The following LCP1 variants were observed in gnomAD, a reference collection of about 807,000 sequenced individuals.
LCP1 encodes lymphocyte cytosolic protein 1.
A neutral mutation model predicts 72.0 loss-of-function variants in LCP1; 23 were observed. That is an observed-to-expected ratio of 0.32 (90% CI 0.23 to 0.45). LCP1 has a LOEUF of 0.45. Among genes scored for constraint, LCP1 ranks in the 20% least tolerant of loss-of-function variants. LCP1 has a pLI of 1.00. For missense variants in LCP1, 571 were observed against 748.3 expected, an observed-to-expected ratio of 0.76 and a Z score of 2.76; for synonymous variants, 245 against 275.4, an observed-to-expected ratio of 0.89 and a Z score of 1.09.
intron 1 of LCP1, among the ~76,000 whole-genome samples, chr13:46,165,149 G>A (rs574877597): frequency 9.9e-5 from 15 of 152,236 alleles, no homozygotes; most frequent in Middle Eastern, 6.8e-3. Flanking sequence ...GAGGTGCACG[G>A]ATTGCTTTGA....
Position 46,146,975 on chromosome 13 carries a change from G to A in LCP1, c.1107C>T (p.Asn369=), listed in dbSNP as rs746717983. Residue 369 remains asparagine, a synonymous_variant, in exon 10 of 16, where the codon AAC becomes AAT. Coordinates refer to ENST00000323076, the MANE Select transcript of LCP1 (RefSeq NM_002298.5). ...GCAGGGCAGGGTATCTGTTAAAGAG[G>A]TTGGCAATAAAAGCCAAGTTCAACT... ...NPKLNLAFIA[N]LFNRYPALHK... The A allele has an allele frequency of 3.7e-6, 6 of 1,614,008 alleles. No individual in the cohort carries two copies. The highest frequency in any genetic ancestry group is 3.3e-5 in the South Asian group (3 of 91,062).
At chr13:46,128,599 GA>G (rs1238721649) in intron 15 of LCP1, among the ~76,000 whole-genome samples, 40 of 143,696 alleles carry the variant, frequency 2.8e-4, no homozygotes, top group East Asian at 4.0e-4. Flanking sequence ...CTCCGTCTCA[GA>G]AAAAAAAAAA....
chr13:46,149,648 G>A (rs576728237), intron 8 of LCP1, among the ~76,000 whole-genome samples: 3 of 152,262 alleles, frequency 2.0e-5, no homozygotes, highest in South Asian at 2.1e-4. Flanking sequence ...GCCATGCAGC[G>A]GCTGCCAGAG....
intron 14 of LCP1, among the ~76,000 whole-genome samples, chr13:46,132,415 A>G (rs1196307574): frequency 6.6e-6 from 1 of 152,184 alleles, no homozygotes; most frequent in African/African-American, 2.4e-5. Context: ...TTTTCCTCCC[A>G]TTTGTGGACC....
chr13:46,137,615 T>G lies in LCP1; in HGVS notation c.1503-3365A>C, dbSNP rs75246284. 1.6e-4 allele frequency among the ~76,000 whole-genome samples: 24 copies of G among 152,344 alleles called. No individual in the cohort carries two copies. The East Asian group carries it at 4.6e-3, about 29-fold the overall frequency. On this transcript the variant is annotated intron_variant, in intron 13 of 15. Coordinates refer to ENST00000323076, the MANE Select transcript of LCP1 (RefSeq NM_002298.5). ...TGCTCATCTAAATACAGATTTGAAA[T>G]GTAAAACAAAAACTAATTTGGCCTG... is the stretch of plus-strand genomic sequence containing the variant.
intron 14 of LCP1, 88 bp downstream of exon 14, chr13:46,134,039 C>T: frequency 2.9e-6 from 4 of 1,376,786 alleles, no homozygotes; most frequent in Non-Finnish European, 4.0e-6. Flanking sequence ...CTAATACCTA[C>T]CACTGAAGGT....
intron 11 of LCP1, among the ~76,000 whole-genome samples, chr13:46,143,865 GAC>G (rs1213458498): frequency 1.3e-5 from 2 of 152,206 alleles, no homozygotes; most frequent in Non-Finnish European, 2.9e-5. Context: ...AAGAGATCAA[GAC>G]CATCCTGGCC....
At chr13:46,131,136 C>T (rs1312394196) in intron 14 of LCP1, among the ~76,000 whole-genome samples, 198 bp from the exon 15 acceptor site, 4 of 152,100 alleles carry the variant, frequency 2.6e-5, no homozygotes, top group Non-Finnish European at 5.9e-5. Context: ...GAAAACCCAC[C>T]GTCTACCAAC....
At chr13:46,146,806 AC>A in intron 10 of LCP1, 101 bp downstream of exon 10, 1 of 1,143,550 alleles carries the variant, frequency 8.7e-7, no homozygotes, top group Non-Finnish European at 1.3e-6. Context: ...GCCTGTTTGC[AC>A]ATGTAAATAG....
At chr13:46,129,901 G>A (rs942112611) in intron 15 of LCP1, among the ~76,000 whole-genome samples, 3 of 152,214 alleles carry the variant, frequency 2.0e-5, no homozygotes, top group African/African-American at 7.2e-5. Context: ...TAGGACTGGT[G>A]TCTTTCTAAG....
chr13:46,177,023 A>G (rs2045934789), intron 1 of LCP1, among the ~76,000 whole-genome samples: 1 of 152,184 alleles, frequency 6.6e-6, no homozygotes, highest in Non-Finnish European at 1.5e-5. Flanking sequence ...AATTTAACAT[A>G]GCTTTTCCTT....
chr13:46,151,528 A>G (rs181902341), intron 7 of LCP1, among the ~76,000 whole-genome samples: 48 of 152,304 alleles, frequency 3.2e-4, no homozygotes, highest in African/African-American at 1.1e-3. Context: ...CTGCCTAATT[A>G]TAGCAACTCA....
chr13:46,146,935 G>C lies in LCP1; in HGVS notation c.1147C>G (p.Gln383Glu), dbSNP rs1318249917. ...RYPALHKPEN[Q>E]DIDWGALEGE... ...TCAAGAGCCCCCCAGTCAATGTCCT[G>C]GTTCTCTGGTTTGTGCAGGGCAGGG... Residue 383 changes from glutamine (Q) to glutamate (E), a missense_variant, in exon 10 of 16, where the codon CAG becomes GAG. Gln to Glu is a conservative substitution (Grantham distance 29, BLOSUM62 2). Transcript: ENST00000323076. 1.1e-5 allele frequency: 18 copies of C among 1,613,994 alleles called. No homozygotes were observed. The highest frequency in any genetic ancestry group is 1.3e-5 in the African/African-American group (1 of 74,882).
In LCP1 at chr13:46,150,967, T is replaced by C; in HGVS notation, c.851A>G (p.Asn284Ser). The C allele has an allele frequency of 6.2e-7, 1 of 1,614,004 alleles. No individual in the cohort carries two copies. Among genetic ancestry groups the C allele is most frequent in the Non-Finnish European group, 8.5e-7 (1 of 1,179,866 alleles). Residue 284 changes from asparagine (N) to serine (S), a missense_variant, in exon 8 of 16, where the codon AAC becomes AGC. Asn to Ser is a conservative substitution (Grantham distance 46, BLOSUM62 1). Coordinates refer to ENST00000323076, the MANE Select transcript of LCP1 (RefSeq NM_002298.5). Reference sequence around the variant, plus strand: ...GTCAGTACTGAAGTTGCCAATTTTGTTGCAGCCTGCATTTTCCAGGTGGTA... The same window carrying C: ...GTCAGTACTGAAGTTGCCAATTTTGCTGCAGCCTGCATTTTCCAGGTGGTA... ...ANYHLENAGC[N>S]KIGNFSTDIK...
chr13:46,138,942 G>A (rs924731023), intron 13 of LCP1, among the ~76,000 whole-genome samples: 17 of 152,084 alleles, frequency 1.1e-4, no homozygotes, highest in African/African-American at 3.1e-4. Flanking sequence ...CACCGCACCC[G>A]CTGGCTTGAG....
intron 13 of LCP1, among the ~76,000 whole-genome samples, chr13:46,134,585 A>T (rs2045652811): frequency 6.6e-6 from 1 of 152,206 alleles, no homozygotes; most frequent in Non-Finnish European, 1.5e-5. Flanking sequence ...TAAAAAAGAT[A>T]AAAAATCAAG....
Position 46,126,692 on chromosome 13 carries a change from C to T in LCP1, c.*899G>A, listed in dbSNP as rs1197258788. 1.7e-5 allele frequency: 4 copies of T among 231,358 alleles called. No homozygotes were observed. The highest frequency in any genetic ancestry group is 3.4e-5 in the Non-Finnish European group (4 of 116,938). The allele number at this position is 231,358 out of a possible 1,614,324, so 14.3% of individuals were successfully genotyped here. ...CTAGATCTAATGTGAGGGCTAAATG[C>T]CTGGAGAGGCAGAACCCTAAAGGAT... On this transcript the variant is annotated 3_prime_UTR_variant, in exon 16 of 16. Coordinates refer to ENST00000323076, the MANE Select transcript of LCP1 (RefSeq NM_002298.5).
At chr13:46,167,778 A>C (rs1277182336) in intron 1 of LCP1, among the ~76,000 whole-genome samples, 1 of 152,220 alleles carries the variant, frequency 6.6e-6, no homozygotes, top group African/African-American at 2.4e-5. Context: ...GTCTGTATGC[A>C]AAGTACTGCC....
rs1001245220 is a variant in LCP1 at position 46,150,140 on chromosome 13, G to C, written c.882+796C>G. Among the ~76,000 whole-genome samples, 30 of 152,194 alleles carry C rather than the reference G, an allele frequency of 2.0e-4. 1 individual carries two copies. The highest frequency in any genetic ancestry group is 7.3e-5 in the Non-Finnish European group (5 of 68,030). On this transcript the variant is annotated intron_variant, in intron 8 of 15. Transcript: ENST00000323076. ...TGTTGAGTCATGTGAACTTTCCTCT[G>C]ACTCTTTCTCTTTGGGGAAAAGTTA...
Sources: gnomAD v4.1 joint callset for allele counts (sites outside exome capture counted in the v4.1 genomes callset) on GRCh38, gnomAD v4.1.1 for gene constraint, MANE v1.5 for transcripts, NCBI Gene and HGNC (gene_info 2026-07-23, HGNC 2026-07-21) for gene names.